The following ENTPD3 variants were observed in gnomAD, a reference collection of about 807,000 sequenced individuals.
ENTPD3 encodes the protein ectonucleoside triphosphate diphosphohydrolase 3.
Under a neutral mutation model 51.2 loss-of-function variants are expected in ENTPD3, and 60 were observed. The ratio of observed to expected loss-of-function variants is 1.17; its 90% CI spans 0.95 to 1.45. ENTPD3 has a LOEUF of 1.45. Ranked by LOEUF, ENTPD3 falls within the 40% of genes most tolerant of loss-of-function variation. ENTPD3 has a pLI of 0.00. For synonymous variants in ENTPD3, 221 were observed against 238.4 expected (o/e 0.93, Z 0.67); for missense variants, 593 against 641.1 (o/e 0.93, Z 0.81).
intron 4 of ENTPD3, among the ~76,000 whole-genome samples, chr3:40,408,813 C>A (rs933319561): frequency 6.6e-6 from 1 of 152,198 alleles, no homozygotes; most frequent in Non-Finnish European, 1.5e-5. Context: ...AGAAGGATCA[C>A]TTGAGCCTAG....
At chr3:40,409,437 G>A (rs1221881132) in intron 4 of ENTPD3, among the ~76,000 whole-genome samples, 1 of 152,168 alleles carries the variant, frequency 6.6e-6, no homozygotes, top group Non-Finnish European at 1.5e-5. Flanking sequence ...CCCCAGGAGG[G>A]AAAATTACAT....
At chr3:40,422,756 A>G (rs1955904349) in intron 7 of ENTPD3, 94 bp from the exon 8 acceptor site, 2 of 1,069,858 alleles carry the variant, frequency 1.9e-6, no homozygotes, top group Non-Finnish European at 2.7e-6. Flanking sequence ...CCAGTCTATC[A>G]CTATTGGACA....
intron 10 of ENTPD3, among the ~76,000 whole-genome samples, chr3:40,426,278 T>A (rs1166601588): frequency 6.6e-6 from 1 of 151,852 alleles, no homozygotes; most frequent in East Asian, 1.9e-4. Context: ...CTGGCTAATT[T>A]TTGTATTTTT....
chr3:40,423,480 T>C (rs1365867530), intron 9 of ENTPD3, 79 bp downstream of exon 9: 1 of 1,042,940 alleles, frequency 9.6e-7, no homozygotes, highest in Non-Finnish European at 1.4e-6. Context: ...GTATTCTGAA[T>C]TTAGCCTTTA....
chr3:40,405,200 T>C (rs1294152054), intron 4 of ENTPD3, among the ~76,000 whole-genome samples: 6 of 152,074 alleles, frequency 3.9e-5, no homozygotes, highest in African/African-American at 4.8e-5. Context: ...CAGGCCACCA[T>C]AGTATTAAAA....
chr3:40,408,116 G>A (rs567103511), intron 4 of ENTPD3, among the ~76,000 whole-genome samples: 12 of 152,116 alleles, frequency 7.9e-5, no homozygotes, highest in Admixed American at 3.3e-4. Context: ...TAAAAGGGGG[G>A]CAGGAAAACT....
chr3:40,412,257 A>G (rs1458118721), intron 5 of ENTPD3, among the ~76,000 whole-genome samples: 1 of 152,214 alleles, frequency 6.6e-6, no homozygotes, highest in African/African-American at 2.4e-5. Context: ...AGTTCTTTGA[A>G]AAGTAGTTGT....
At chr3:40,403,513 G>C (rs763881906) in intron 4 of ENTPD3, among the ~76,000 whole-genome samples, 17 of 152,156 alleles carry the variant, frequency 1.1e-4, no homozygotes, top group Non-Finnish European at 2.4e-4. Context: ...GAAAGAGCAA[G>C]ATCTTGAGCA....
At chr3:40,392,446 AG>A in intron 3 of ENTPD3, 1 of 319,670 alleles carries the variant, frequency 3.1e-6, no homozygotes, top group Non-Finnish European at 5.7e-6. Context: ...TAGCTATCAA[AG>A]ATTTACCAGT....
chr3:40,408,359 A>G (rs962369798), intron 4 of ENTPD3, among the ~76,000 whole-genome samples: 1 of 152,210 alleles, frequency 6.6e-6, no homozygotes, highest in African/African-American at 2.4e-5. Context: ...ATGAATTAAC[A>G]TAATGCCTGG....
chr3:40,413,586 T>A (rs1415135099), intron 5 of ENTPD3, among the ~76,000 whole-genome samples: 1 of 152,152 alleles, frequency 6.6e-6, no homozygotes, highest in East Asian at 1.9e-4. Context: ...AGAAACTGAC[T>A]TTTTCTTGGT....
chr3:40,407,464 C>A (rs930083750), intron 4 of ENTPD3, among the ~76,000 whole-genome samples: 1 of 151,988 alleles, frequency 6.6e-6, no homozygotes, highest in Non-Finnish European at 1.5e-5. Context: ...AAAAATTATT[C>A]TTCACTTGCA....
chr3:40,414,640 T>G, intron 5 of ENTPD3, 41 bp from the exon 6 acceptor site: 1 of 1,608,816 alleles, frequency 6.2e-7, no homozygotes, highest in Non-Finnish European at 8.5e-7. Context: ...AAGACTGTAT[T>G]GTCTGGGCAC....
intron 2 of ENTPD3, among the ~76,000 whole-genome samples, chr3:40,388,591 C>G (rs966098531): frequency 9.9e-5 from 13 of 131,936 alleles, no homozygotes; most frequent in African/African-American, 4.7e-4. Flanking sequence ...CACAGACACA[C>G]ACACACACAC....
intron 7 of ENTPD3, among the ~76,000 whole-genome samples, chr3:40,418,458 G>T (rs1955794395): frequency 6.6e-6 from 1 of 152,160 alleles, no homozygotes; most frequent in Admixed American, 6.6e-5. Context: ...ACGTAGTGTG[G>T]TGAGAATGAT....
intron 5 of ENTPD3, 51 bp downstream of exon 5, chr3:40,412,013 T>A: frequency 6.6e-7 from 1 of 1,511,466 alleles, no homozygotes; most frequent in Non-Finnish European, 8.9e-7. Context: ...TAACCAAGAA[T>A]ATGTTGAATC....
At position 40,423,462 on chromosome 3, in the gene ENTPD3, A is replaced by G. The variant is rs181329687; in HGVS notation, c.1215+61A>G. On this transcript the variant is annotated intron_variant, in intron 9 of 10. Coordinates refer to ENST00000301825, the MANE Select transcript of ENTPD3 (RefSeq NM_001248.4). Reference sequence around the variant, plus strand: ...AAAAAAATATGGTAGAATCTATTCTATGTGTGTGTATTCTGAATTTAGCCT... The same window carrying G: ...AAAAAAATATGGTAGAATCTATTCTGTGTGTGTGTATTCTGAATTTAGCCT... 2.5e-5 allele frequency: 29 copies of G among 1,156,930 alleles called. No individual in the cohort carries two copies. In the Admixed American group the frequency reaches 2.8e-4, roughly 11 times the overall value. The allele number at this position is 1,156,930 out of a possible 1,614,324, so 71.7% of individuals were successfully genotyped here. A position where few individuals can be genotyped will look rare whatever the true frequency, so the allele number is the denominator to read the frequency against.
At chr3:40,404,543 C>G (rs958872656) in intron 4 of ENTPD3, among the ~76,000 whole-genome samples, 1 of 152,096 alleles carries the variant, frequency 6.6e-6, no homozygotes, top group African/African-American at 2.4e-5. Flanking sequence ...GGAAGGGTTC[C>G]TTGGCCCACC....
Position 40,427,491 on chromosome 3 carries a change from G to A in ENTPD3, c.1573G>A (p.Ala525Thr), listed in dbSNP as rs771558522. 6.2e-7 allele frequency: 1 copy of A among 1,613,920 alleles called. No individual in the cohort carries two copies. Among genetic ancestry groups the A allele is most frequent in the African/African-American group, 1.3e-5 (1 of 75,038 alleles). Residue 525 changes from alanine (A) to threonine (T), a missense_variant, in exon 11 of 11, where the codon GCA (alanine) becomes ACA (threonine). By Grantham distance (58) the Ala-to-Thr change is moderately conservative. Transcript: ENST00000301825. ...GCACTCCGAGCATGCCTTTGACCATGCAGTGGATTCTGACTGAGCCTTCAA... is the reference window on the plus strand; with the variant it reads ...GCACTCCGAGCATGCCTTTGACCATACAGTGGATTCTGACTGAGCCTTCAA... The part of the protein sequence containing the change: ...KRHSEHAFDH[A>T]VDSD
Sources: allele counts gnomAD v4.1 joint callset (sites outside exome capture counted in the v4.1 genomes callset), GRCh38; gene constraint gnomAD v4.1.1; transcripts MANE v1.5; gene names NCBI Gene and HGNC (gene_info 2026-07-23, HGNC 2026-07-21).